PLXDC1: variants seen among roughly 807,000 people sequenced by gnomAD.
PLXDC1 encodes plexin domain containing 1.
In PLXDC1, 39 loss-of-function variants were observed where a neutral mutation model predicts 61.3. The observed-to-expected ratio is 0.64, with a 90% CI of 0.49 to 0.83. The LOEUF (loss-of-function observed/expected upper bound fraction) is 0.83. Among genes scored for constraint, PLXDC1 ranks in the 40% least tolerant of loss-of-function variants. The pLI is 0.00. For missense variants in PLXDC1, 596 were observed against 666.5 expected, an observed-to-expected ratio of 0.89 and a Z score of 1.17; for synonymous variants, 212 against 254.5, an observed-to-expected ratio of 0.83 and a Z score of 1.59.
chr17:39,146,725 G>A (rs943725433), intron 1 of PLXDC1, among the ~76,000 whole-genome samples: 3 of 151,082 alleles, frequency 2.0e-5, no homozygotes, highest in African/African-American at 4.9e-5. Flanking sequence ...ATGTGGTGGT[G>A]CATGCCTGCA....
At chr17:39,074,679 C>G (rs560546227) in intron 11 of PLXDC1, among the ~76,000 whole-genome samples, 2 of 152,276 alleles carry the variant, frequency 1.3e-5, no homozygotes, top group East Asian at 3.9e-4. Flanking sequence ...CCACAGACCC[C>G]CTTCTAGCCT....
At chr17:39,086,933 G>T (rs1239764463) in intron 8 of PLXDC1, among the ~76,000 whole-genome samples, 1 of 151,066 alleles carries the variant, frequency 6.6e-6, no homozygotes, top group African/African-American at 2.4e-5. Flanking sequence ...CATGGCTTCA[G>T]CAGGAAGCTG....
intron 8 of PLXDC1, among the ~76,000 whole-genome samples, chr17:39,084,612 G>A (rs117473792): frequency 7.9e-5 from 12 of 152,332 alleles, no homozygotes; most frequent in Non-Finnish European, 1.6e-4. Flanking sequence ...GAGCCGAGAG[G>A]GGAACGGCCC....
chr17:39,151,132 GAGA>G lies in PLXDC1; in HGVS notation c.76+227_76+229del, dbSNP rs1038430926. 5.9e-5 allele frequency among the ~76,000 whole-genome samples: 9 copies of G among 152,198 alleles called. No homozygotes were observed. Among genetic ancestry groups the G allele is most frequent in the African/African-American group, 7.2e-5 (3 of 41,444 alleles). ...AGGTCCCTCCAGTATCCTTCCAGGA[GAGA>G]AGGAGAGGTCCGGGCATCGGTGTCT... On this transcript the variant is annotated intron_variant, in intron 1 of 13. Coordinates refer to ENST00000315392, the MANE Select transcript of PLXDC1 (RefSeq NM_020405.5). This position sits in a 1 kb window ranked among gnomAD's most constrained non-coding sequence, Gnocchi z 5.2.
rs374187415 is a variant in PLXDC1 at position 39,105,840 on chromosome 17, C to T, written c.811+14G>A. 1.3e-6 allele frequency: 2 copies of T among 1,577,048 alleles called. No homozygotes were observed. Among genetic ancestry groups the T allele is most frequent in the Non-Finnish European group, 1.7e-6 (2 of 1,147,450 alleles). ...ACCCCCATCAAGGCCTCTGCGGGGT[C>T]CCTGAAGACTCACCTGGCACATCCG... On this transcript the variant is annotated intron_variant, in intron 7 of 13. Transcript: ENST00000315392.
chr17:39,132,357 T>C (rs910380937), intron 2 of PLXDC1, among the ~76,000 whole-genome samples: 7 of 152,008 alleles, frequency 4.6e-5, no homozygotes, highest in Non-Finnish European at 1.0e-4. Context: ...CTCAGCACTA[T>C]GGCTTCCCCA....
intron 9 of PLXDC1, among the ~76,000 whole-genome samples, chr17:39,082,933 C>T (rs1909614510): frequency 2.0e-5 from 3 of 152,234 alleles, no homozygotes; most frequent in Admixed American, 2.0e-4. Context: ...TCCCAACTTT[C>T]CATGGATGCC....
intron 2 of PLXDC1, among the ~76,000 whole-genome samples, chr17:39,135,522 C>A (rs575492821): frequency 6.6e-6 from 1 of 151,724 alleles, no homozygotes; most frequent in Non-Finnish European, 1.5e-5. Context: ...ACTAAAAATA[C>A]AAAAATTAGC....
chr17:39,087,883 G>A (rs1909802519), intron 7 of PLXDC1, among the ~76,000 whole-genome samples, 181 bp from the exon 8 acceptor site: 1 of 152,210 alleles, frequency 6.6e-6, no homozygotes, highest in Non-Finnish European at 1.5e-5. Context: ...GGAGAGGAGA[G>A]TGTTGTGGTG....
intron 7 of PLXDC1, among the ~76,000 whole-genome samples, chr17:39,091,815 C>T (rs1165959102): frequency 6.6e-6 from 1 of 151,872 alleles, no homozygotes; most frequent in Non-Finnish European, 1.5e-5. Context: ...AAAAATTAGC[C>T]AGGCGTGGTG....
Position 39,065,305 on chromosome 17 carries a change from A to G in PLXDC1, c.*2535T>C, listed in dbSNP as rs1048181700. ...ATTTCTTAAGCCAAAACACTTGGAC[A>G]AAGTCTCCCAAAAAAATAGAACCAA... On this transcript the variant is annotated 3_prime_UTR_variant, in exon 14 of 14. Coordinates refer to ENST00000315392, the MANE Select transcript of PLXDC1 (RefSeq NM_020405.5). 1.3e-5 allele frequency: 2 copies of G among 152,162 alleles called. No individual in the cohort carries two copies. Among genetic ancestry groups the G allele is most frequent in the South Asian group, 4.1e-4 (2 of 4,834 alleles). 9.4% of individuals were successfully genotyped at this position (152,162 alleles called of 1,614,324 possible). A position where few individuals can be genotyped will look rare whatever the true frequency, so the allele number is the denominator to read the frequency against.
In PLXDC1 at chr17:39,147,046, C is replaced by T. The variant is rs1404946012; in HGVS notation, c.76+4316G>A. On this transcript the variant is annotated intron_variant, in intron 1 of 13. Coordinates refer to ENST00000315392, the MANE Select transcript of PLXDC1 (RefSeq NM_020405.5). ...TCTCGGCTCACTGCAACCTCTGCCT[C>T]CCGGATTCAAGCAATTCTCCTGCCT... Among the ~76,000 whole-genome samples, 8 of 150,950 alleles carry T rather than the reference C, an allele frequency of 5.3e-5. No individual in the cohort carries two copies. The East Asian group carries it at 1.6e-3, about 30-fold the overall frequency.
intron 7 of PLXDC1, among the ~76,000 whole-genome samples, chr17:39,098,404 T>C: frequency 6.6e-6 from 1 of 152,144 alleles, no homozygotes. Flanking sequence ...ACAAGGTCTA[T>C]GCTATGTCCA....
At chr17:39,123,543 A>C (rs1018764925) in intron 2 of PLXDC1, among the ~76,000 whole-genome samples, 1 of 152,162 alleles carries the variant, frequency 6.6e-6, no homozygotes, top group African/African-American at 2.4e-5. Context: ...AAACATATCA[A>C]CACAAAGCTC....
At chr17:39,103,214 CA>C (rs11299109) in intron 7 of PLXDC1, among the ~76,000 whole-genome samples, 38,544 of 128,656 alleles carry the variant, frequency 0.3, 5,214 homozygotes, top group Admixed American at 0.4. Context: ...GACTCCGTCT[CA>C]AAAAAAAAAA....
At position 39,143,861 on chromosome 17, in the gene PLXDC1, C is replaced by G. The variant is rs146835699; in HGVS notation, c.77-4029G>C. 2.1e-3 allele frequency among the ~76,000 whole-genome samples: 315 copies of G among 152,326 alleles called. 1 individual carries two copies. Among genetic ancestry groups the G allele is most frequent in the African/African-American group, 6.8e-3 (284 of 41,576 alleles). ...CTGGGAAGGCAGCCTGCCCACTGCC[C>G]AGGCCCAAGCCAGGGCTGTCTGGTC... On this transcript the variant is annotated intron_variant, in intron 1 of 13. Transcript: ENST00000315392.
chr17:39,112,457 C>CTTTTTTTT (rs11448360), intron 2 of PLXDC1, among the ~76,000 whole-genome samples: 1 of 121,114 alleles, frequency 8.3e-6, no homozygotes. Flanking sequence ...TTTTTTCTTT[C>CTTTTTTTT]TTTTTTTTTT....
At chr17:39,129,733 G>GAAAGAAAGAAAGAAAGAAAGAAAGAA (rs1555573394) in intron 2 of PLXDC1, among the ~76,000 whole-genome samples, 1 of 130,486 alleles carries the variant, frequency 7.7e-6, no homozygotes, top group Non-Finnish European at 1.7e-5. Flanking sequence ...AGAAAGAAAA[G>GAAAGAAAGAAAGAAAGAAAGAAAGAA]AAAGAAAGGA....
intron 9 of PLXDC1, 62 bp from the exon 10 acceptor site, chr17:39,079,226 C>T: frequency 7.1e-7 from 1 of 1,408,170 alleles, no homozygotes; most frequent in Non-Finnish European, 1.0e-6. Flanking sequence ...TCCCCTTTCA[C>T]TGTTCAGTAA....
Sources: allele counts gnomAD v4.1 joint callset (sites outside exome capture counted in the v4.1 genomes callset), GRCh38; gene constraint gnomAD v4.1.1; non-coding constraint Gnocchi (gnomAD v3.1); transcripts MANE v1.5; gene names NCBI Gene and HGNC (gene_info 2026-07-23, HGNC 2026-07-21).